Variants in TLDC2 observed in about 807,000 individuals in gnomAD.
TLDC2 encodes the protein TLD domain-containing protein 2.
Under a neutral mutation model 27.9 loss-of-function variants are expected in TLDC2, and 23 were observed. The ratio of observed to expected loss-of-function variants is 0.82; its 90% CI spans 0.59 to 1.17. The LOEUF is 1.17. TLDC2 is among the 50% of genes most tolerant of loss of function. The probability of loss-of-function intolerance (pLI) is 0.00; values close to 1 mark genes in which losing one functional copy is unlikely to be tolerated. For missense variants in TLDC2, 286 were observed against 273.4 expected, an observed-to-expected ratio of 1.05 and a Z score of -0.32; for synonymous variants, 124 against 107.4, an observed-to-expected ratio of 1.16 and a Z score of -0.96.
At chr20:36,888,044 A>G (rs1165589284) in intron 5 of TLDC2, among the ~76,000 whole-genome samples, 3 of 152,126 alleles carry the variant, frequency 2.0e-5, no homozygotes, top group Non-Finnish European at 4.4e-5. Flanking sequence ...TGCTCTCCCA[A>G]CTGCCTGAAA....
rs138892311 is a variant in TLDC2 at position 36,883,047 on chromosome 20, C to T, written c.438+2297C>T. ...TCCATTCCCACAGCTCTCCATGCTG[C>T]CTGTATGCTGAGGGTCTCTTCCCTG... is the stretch of plus-strand genomic sequence containing the variant. On this transcript the variant is annotated intron_variant, in intron 4 of 6. Coordinates refer to ENST00000217320, the MANE Select transcript of TLDC2 (RefSeq NM_080628.3). Among the ~76,000 whole-genome samples, 4 of 152,244 alleles carry T rather than the reference C, an allele frequency of 2.6e-5. 1 individual carries two copies. Among genetic ancestry groups the T allele is most frequent in the African/African-American group, 9.6e-5 (4 of 41,540 alleles).
Position 36,879,067 on chromosome 20 carries a change from CA to C in TLDC2, c.217del (p.Thr73ProfsTer73). 6 of 1,614,246 alleles carry C rather than the reference CA, an allele frequency of 3.7e-6. No homozygotes were observed. Among genetic ancestry groups the C allele is most frequent in the Non-Finnish European group, 3.4e-6 (4 of 1,180,038 alleles). On this transcript the variant is annotated frameshift_variant, in exon 3 of 7. Transcript: ENST00000217320. LOFTEE classifies it high-confidence loss of function. ...QLSFHFPPRV[T>X]GHPWSLVFCT... ...TCAGCTTTCACTTCCCACCAAGAGT[CA>C]CCGGCCATCCCTGGAGTCTGGTCTT... is the stretch of plus-strand genomic sequence containing the variant.
At position 36,893,819 on chromosome 20, in the gene TLDC2, T is replaced by C. The variant is rs1365072031; in HGVS notation, c.*975T>C. 1 of 398,322 alleles carries C rather than the reference T, an allele frequency of 2.5e-6. No individual in the cohort carries two copies. The highest frequency in any genetic ancestry group is 4.4e-6 in the Non-Finnish European group (1 of 225,962). The allele number at this position is 398,322 out of a possible 1,614,324, so 24.7% of individuals were successfully genotyped here. A position where few individuals can be genotyped will look rare whatever the true frequency, so the allele number is the denominator to read the frequency against. On this transcript the variant is annotated 3_prime_UTR_variant, in exon 7 of 7. Coordinates refer to ENST00000217320, the MANE Select transcript of TLDC2 (RefSeq NM_080628.3). ...TTGCTCTCAGATCCATTCTTCACTCTTCCTCTCCCTACTCTGTCTCACAGG... is the reference window on the plus strand; with the variant it reads ...TTGCTCTCAGATCCATTCTTCACTCCTCCTCTCCCTACTCTGTCTCACAGG...
chr20:36,887,947 T>C (rs1296972638), intron 5 of TLDC2, among the ~76,000 whole-genome samples: 2 of 152,182 alleles, frequency 1.3e-5, no homozygotes, highest in African/African-American at 4.8e-5. Context: ...GATCTCATCC[T>C]GGTGTGACCT....
rs753514464 is a variant in TLDC2 at position 36,879,001 on chromosome 20, C to T, written c.190-40C>T. 45 of 1,613,638 alleles carry T rather than the reference C, an allele frequency of 2.8e-5. 2 individuals are homozygous for T. The Admixed American group carries it at 3.2e-4, about 11-fold the overall frequency. ...ACCCCCAGGATATGGCAGGAGGGCG[C>T]GAGGAGAACTCCTCCATTCACCTCC... On this transcript the variant is annotated intron_variant, in intron 2 of 6. Coordinates refer to ENST00000217320, the MANE Select transcript of TLDC2 (RefSeq NM_080628.3).
rs750326939 is a variant in TLDC2 at position 36,892,914 on chromosome 20, A to T, written c.*70A>T. 7 of 1,613,928 alleles carry T rather than the reference A, an allele frequency of 4.3e-6. No homozygotes were observed. The Admixed American group carries it at 1.2e-4, about 27-fold the overall frequency. On this transcript the variant is annotated 3_prime_UTR_variant, in exon 7 of 7. Coordinates refer to ENST00000217320, the MANE Select transcript of TLDC2 (RefSeq NM_080628.3). ...ATTGTGCAGGAGAGGGAGTTTGTAAACAACTGACTACAGACATTCACATTG... is the reference window on the plus strand; with the variant it reads ...ATTGTGCAGGAGAGGGAGTTTGTAATCAACTGACTACAGACATTCACATTG...
intron 1 of TLDC2, among the ~76,000 whole-genome samples, chr20:36,877,058 T>A (rs1262053209): frequency 6.6e-6 from 1 of 152,178 alleles, no homozygotes; most frequent in East Asian, 1.9e-4. Context: ...CCTTTGGGCT[T>A]CATTTTCTTC....
Position 36,893,703 on chromosome 20 carries a change from T to C in TLDC2, c.*859T>C. ...TTCTGAACTTGTGGGTAGATCTTCT[T>C]TGGTTACAAGATGATGCACGATCTT... On this transcript the variant is annotated 3_prime_UTR_variant, in exon 7 of 7. Transcript: ENST00000217320. The C allele has an allele frequency of 2.5e-6, 1 of 392,192 alleles. No individual in the cohort carries two copies. The highest frequency in any genetic ancestry group is 3.6e-5 in the East Asian group (1 of 27,526). 24.3% of individuals were successfully genotyped at this position (392,192 alleles called of 1,614,324 possible).
chr20:36,890,155 A>G (rs1990025653), intron 6 of TLDC2: 1 of 152,236 alleles, frequency 6.6e-6, no homozygotes, highest in Non-Finnish European at 1.5e-5. Flanking sequence ...GTATGAAAGG[A>G]GTAAATGAGT....
chr20:36,883,395 C>T (rs1323072553), intron 4 of TLDC2, among the ~76,000 whole-genome samples: 1 of 152,060 alleles, frequency 6.6e-6, no homozygotes, highest in Non-Finnish European at 1.5e-5. Flanking sequence ...CCTCCACCTC[C>T]CAAAGTGCTG....
chr20:36,885,269 C>T (rs1989898016), intron 4 of TLDC2, among the ~76,000 whole-genome samples: 1 of 152,110 alleles, frequency 6.6e-6, no homozygotes, highest in East Asian at 1.9e-4. Flanking sequence ...CAGCAGTCTA[C>T]CCAGTGCCTG....
intron 6 of TLDC2, chr20:36,889,708 A>G (rs897934116): frequency 4.5e-6 from 1 of 220,036 alleles, no homozygotes; most frequent in Non-Finnish European, 8.9e-6. Flanking sequence ...CAAAGGGAAG[A>G]TTTTTCACTA....
chr20:36,888,681 G>A lies in TLDC2; in HGVS notation c.513-570G>A, dbSNP rs535869603. Among the ~76,000 whole-genome samples, 5 of 138,354 alleles carry A rather than the reference G, an allele frequency of 3.6e-5. 1 individual carries two copies. In the South Asian group the frequency reaches 1.2e-3, roughly 34 times the overall value. The allele number at this position is 138,354 out of a possible 152,430, so 90.8% of individuals were successfully genotyped here. On this transcript the variant is annotated intron_variant, in intron 5 of 6. Transcript: ENST00000217320. ...AGATCGCGCCATTGCACTCCAGGCTGGGCGACAGAGCAAGACTCCTATCAA... is the reference window on the plus strand; with the variant it reads ...AGATCGCGCCATTGCACTCCAGGCTAGGCGACAGAGCAAGACTCCTATCAA...
intron 6 of TLDC2, chr20:36,890,408 T>TTCTTTCTTTCTTTCTTTC (rs1568754689): frequency 6.7e-6 from 1 of 149,696 alleles, no homozygotes; most frequent in Non-Finnish European, 1.5e-5. Flanking sequence ...CTTTCTTTCT[T>TTCTTTCTTTCTTTCTTTC]TCTTTCTTTC....
rs1470700433 is a variant in TLDC2 at position 36,879,072 on chromosome 20, G to A, written c.221G>A (p.Gly74Asp). 4 of 1,614,186 alleles carry A rather than the reference G, an allele frequency of 2.5e-6. No individual in the cohort carries two copies. Among genetic ancestry groups the A allele is most frequent in the South Asian group, 2.2e-5 (2 of 91,080 alleles). ...TTTCACTTCCCACCAAGAGTCACCGGCCATCCCTGGAGTCTGGTCTTCTGC... is the reference window on the plus strand; with the variant it reads ...TTTCACTTCCCACCAAGAGTCACCGACCATCCCTGGAGTCTGGTCTTCTGC... The part of the protein sequence containing the change: ...LSFHFPPRVT[G>D]HPWSLVFCTS... The change falls in exon 3 of 7, where the codon GGC becomes GAC. Residue 74 changes from glycine to aspartate, a missense_variant. Physicochemically the swap from Gly to Asp is moderately conservative, Grantham distance 94. Coordinates refer to ENST00000217320, the MANE Select transcript of TLDC2 (RefSeq NM_080628.3).
chr20:36,882,464 G>A lies in TLDC2; in HGVS notation c.438+1714G>A, dbSNP rs187648584. On this transcript the variant is annotated intron_variant, in intron 4 of 6. Coordinates refer to ENST00000217320, the MANE Select transcript of TLDC2 (RefSeq NM_080628.3). ...TCCCAGCATTTTGCGGGACTGAGGT[G>A]GGAGGATTGCTTGAGCTCAGGAGTT... Among the ~76,000 whole-genome samples, 50 of 151,920 alleles carry A rather than the reference G, an allele frequency of 3.3e-4. No individual in the cohort carries two copies. The East Asian group carries it at 8.3e-3, about 25-fold the overall frequency.
At chr20:36,887,639 A>G in intron 5 of TLDC2, 111 bp downstream of exon 5, 1 of 1,026,566 alleles carries the variant, frequency 9.7e-7, no homozygotes, top group East Asian at 2.4e-5. Flanking sequence ...GCTAGTGGGG[A>G]ACTCTCAGGC....
At chr20:36,890,424 T>TTTCTTTTCC (rs1568754785) in intron 6 of TLDC2, 12 of 151,390 alleles carry the variant, frequency 7.9e-5, no homozygotes, top group Non-Finnish European at 2.9e-5. Flanking sequence ...CTTTCTTTTC[T>TTTCTTTTCC]TTCTCTCTTT....
intron 1 of TLDC2, 94 bp downstream of exon 1, chr20:36,876,301 G>T: frequency 1.3e-6 from 2 of 1,536,848 alleles, no homozygotes; most frequent in Non-Finnish European, 1.8e-6. Context: ...TTGGATGCGG[G>T]CAGTGACTTG....
Sources: allele counts gnomAD v4.1 joint callset (sites outside exome capture counted in the v4.1 genomes callset), GRCh38; gene constraint gnomAD v4.1.1; transcripts MANE v1.5; gene names NCBI Gene and HGNC (gene_info 2026-07-23, HGNC 2026-07-21).